TBATA: variants seen among roughly 807,000 people sequenced by gnomAD.
The protein encoded by TBATA is thymus, brain and testes associated.
A neutral mutation model predicts 38.7 loss-of-function variants in TBATA; 47 were observed. The observed-to-expected ratio is 1.21, with a 90% CI of 0.96 to 1.55. The LOEUF is 1.55. Ranked by LOEUF, TBATA falls within the 40% of genes most tolerant of loss-of-function variation. The pLI, the probability that TBATA is intolerant of heterozygous loss-of-function variation, is 0.00. For synonymous variants in TBATA, 183 were observed against 170.5 expected, an observed-to-expected ratio of 1.07 and a Z score of -0.57; for missense variants, 436 against 435.6, an observed-to-expected ratio of 1.00 and a Z score of -0.01.
rs747579728 is a variant in TBATA at position 70,782,254 on chromosome 10, G to A, written c.42-218C>T. The A allele has an allele frequency of 4.8e-6, 7 of 1,445,948 alleles. No individual in the cohort carries two copies. In the South Asian group the frequency reaches 7.4e-5, roughly 15 times the overall value. The allele number at this position is 1,445,948 out of a possible 1,614,324, so 89.6% of individuals were successfully genotyped here. A position where few individuals can be genotyped will look rare whatever the true frequency, so the allele number is the denominator to read the frequency against. On this transcript the variant is annotated intron_variant, in intron 3 of 10. Transcript: ENST00000456372. ...CTGTCCTGGTTAGTCTTCCTTATCA[G>A]GGAGCTGGCATCCATTTGAGGGAAC...
chr10:70,779,673 G>A lies in TBATA; in HGVS notation c.347C>T (p.Ser116Phe). The A allele has an allele frequency of 6.5e-7, 1 of 1,536,310 alleles. No homozygotes were observed. The highest frequency in any genetic ancestry group is 8.7e-7 in the Non-Finnish European group (1 of 1,151,708). The change falls in exon 5 of 11, where the codon TCC (serine) becomes TTC (phenylalanine). Residue 116 changes from serine to phenylalanine, a missense_variant. By Grantham distance (155) the Ser-to-Phe change is radical (BLOSUM62 -2). Transcript: ENST00000456372. The part of the protein sequence containing the change: ...PAPLPESTVF[S>F]GCQMGIPTIS... The stretch of plus-strand genomic sequence containing the variant: ...GGTGGGTATCCCCATTTGACAGCCG[G>A]AAAAGACAGTTGACTCAGGCAAGGG...
intron 7 of TBATA, chr10:70,776,429 C>G (rs1036192104): frequency 2.0e-5 from 9 of 456,128 alleles, no homozygotes; most frequent in African/African-American, 1.8e-4. Context: ...GCTGCTCCGT[C>G]TCAGGGGACC....
intron 9 of TBATA, among the ~76,000 whole-genome samples, chr10:70,773,078 G>C (rs933940615): frequency 9.2e-5 from 14 of 152,190 alleles, no homozygotes; most frequent in African/African-American, 3.1e-4. Context: ...GCTTTTGAGA[G>C]ATAGTTGAAG....
Position 70,771,314 on chromosome 10 carries a change from A to G in TBATA, c.*62T>C, listed in dbSNP as rs1030522309. 3 of 1,613,734 alleles carry G rather than the reference A, an allele frequency of 1.9e-6. No individual in the cohort carries two copies. Among genetic ancestry groups the G allele is most frequent in the African/African-American group, 2.7e-5 (2 of 74,920 alleles). ...GTACTGCTGTGAAGGTGGTGGAGAC[A>G]GAAACACCCCTGAACCCTTGGGGCT... On this transcript the variant is annotated 3_prime_UTR_variant, in exon 11 of 11. Coordinates refer to ENST00000456372, the MANE Select transcript of TBATA (RefSeq NM_001318241.2).
At chr10:70,772,168 CCTT>C (rs1842854936) in intron 10 of TBATA, 2 of 511,988 alleles carry the variant, frequency 3.9e-6, no homozygotes, top group Non-Finnish European at 7.9e-6. Context: ...ACCTGCCAGT[CCTT>C]CTCACTACTG....
At chr10:70,772,486 C>A in intron 10 of TBATA, 28 bp downstream of exon 10, 1 of 1,612,904 alleles carries the variant, frequency 6.2e-7, no homozygotes. Flanking sequence ...GGTGAGTCCC[C>A]CAAATGACCC....
chr10:70,778,404 C>G (rs979523381), intron 6 of TBATA, 153 bp downstream of exon 6: 1 of 794,204 alleles, frequency 1.3e-6, no homozygotes, highest in Non-Finnish European at 2.2e-6. Flanking sequence ...TAGGTGTGCT[C>G]TCTCCCTCAC....
chr10:70,781,979 C>G lies in TBATA; in HGVS notation c.99G>C (p.Arg33Ser). The G allele has an allele frequency of 1.2e-6, 2 of 1,614,246 alleles. No individual in the cohort carries two copies. The highest frequency in any genetic ancestry group is 1.7e-6 in the Non-Finnish European group (2 of 1,180,052). Residue 33 changes from arginine (R) to serine (S), a missense_variant, in exon 4 of 11, where the codon AGG becomes AGC. Coordinates refer to ENST00000456372, the MANE Select transcript of TBATA (RefSeq NM_001318241.2). ...KKSGRKPRSP[R>S]DSGPQKELVI... Reference sequence around the variant, plus strand: ...CCAGTTCTTTCTGTGGCCCACTGTCCCTGGGGCTCCTTGGCTTGCGCCCTG... The same window carrying G: ...CCAGTTCTTTCTGTGGCCCACTGTCGCTGGGGCTCCTTGGCTTGCGCCCTG...
At chr10:70,778,977 T>A (rs978129136) in intron 5 of TBATA, among the ~76,000 whole-genome samples, 5 of 152,162 alleles carry the variant, frequency 3.3e-5, no homozygotes, top group Admixed American at 1.3e-4. Context: ...CTCTTTTAGG[T>A]CCCTGAGGCC....
At chr10:70,783,070 C>T (rs968089900) in intron 3 of TBATA, among the ~76,000 whole-genome samples, 5 of 152,234 alleles carry the variant, frequency 3.3e-5, no homozygotes, top group African/African-American at 1.2e-4. Context: ...GAGGAAGTCA[C>T]CTCCTGAGAA....
At chr10:70,780,839 C>T (rs948708174) in intron 4 of TBATA, among the ~76,000 whole-genome samples, 3 of 152,178 alleles carry the variant, frequency 2.0e-5, no homozygotes, top group African/African-American at 7.2e-5. Flanking sequence ...TTTAATCAAT[C>T]GCCAAGTCCT....
chr10:70,775,414 G>C, intron 7 of TBATA, 144 bp from the exon 8 acceptor site: 2 of 645,930 alleles, frequency 3.1e-6, no homozygotes, highest in East Asian at 5.5e-5. Flanking sequence ...TCCCACAAGG[G>C]TCTGTGCCTT....
intron 9 of TBATA, among the ~76,000 whole-genome samples, chr10:70,773,189 A>AC (rs968341257): frequency 7.9e-5 from 12 of 152,098 alleles, no homozygotes; most frequent in African/African-American, 2.9e-4. Context: ...GGAAGGGAAC[A>AC]CCAAGTCCAA....
chr10:70,778,744 C>T (rs1188463960), intron 5 of TBATA, 108 bp from the exon 6 acceptor site: 1 of 974,790 alleles, frequency 1.0e-6, no homozygotes, highest in South Asian at 1.3e-5. Context: ...GGCCTCCCTG[C>T]CTGGATCTTA....
intron 8 of TBATA, 101 bp downstream of exon 8, chr10:70,775,088 A>G (rs762854611): frequency 1.5e-5 from 17 of 1,144,236 alleles, no homozygotes; most frequent in Non-Finnish European, 2.0e-5. Flanking sequence ...GGCCCCCTCC[A>G]GGGTGGGAGC....
intron 6 of TBATA, among the ~76,000 whole-genome samples, chr10:70,778,207 C>T (rs554191308): frequency 6.6e-6 from 1 of 152,188 alleles, no homozygotes; most frequent in Admixed American, 6.5e-5. Flanking sequence ...TCTGCCCCCC[C>T]TCACCTTTCC....
At chr10:70,780,410 C>G (rs1464289693) in intron 4 of TBATA, among the ~76,000 whole-genome samples, 1 of 152,092 alleles carries the variant, frequency 6.6e-6, no homozygotes, top group East Asian at 1.9e-4. Context: ...GGACTCCTCA[C>G]TCTTGTCCCG....
intron 3 of TBATA, 103 bp from the exon 4 acceptor site, chr10:70,782,139 CT>C: frequency 7.5e-7 from 1 of 1,328,398 alleles, no homozygotes; most frequent in Non-Finnish European, 1.0e-6. Context: ...TCCTGAGGAG[CT>C]CTGAAATCTG....
In TBATA at chr10:70,778,639, G is replaced by A. The variant is rs762558455; in HGVS notation, c.428-3C>T. The A allele has an allele frequency of 1.9e-6, 3 of 1,614,114 alleles. No individual in the cohort carries two copies. In the Admixed American group the frequency reaches 5.0e-5, roughly 27 times the overall value. ...CTTCAACTCCTTCTTCCAGGCTTCT[G>A]GGAGGAGGGGACAAGGTCCTGCCAA... On this transcript the variant is annotated splice_polypyrimidine_tract_variant and splice_region_variant and intron_variant, in intron 5 of 10. Coordinates refer to ENST00000456372, the MANE Select transcript of TBATA (RefSeq NM_001318241.2).
Sources: gnomAD v4.1 joint callset for allele counts (sites outside exome capture counted in the v4.1 genomes callset) on GRCh38, gnomAD v4.1.1 for gene constraint, MANE v1.5 for transcripts, NCBI Gene and HGNC (gene_info 2026-07-23, HGNC 2026-07-21) for gene names.